Variants in PARN observed in about 807,000 individuals in gnomAD.
PARN encodes poly(A)-specific ribonuclease, also known as poly(A)-specific ribonuclease PARN.
PARN carries 71 observed loss-of-function variants against 102.8 expected under a neutral mutation model. The ratio of observed to expected loss-of-function variants is 0.69; its 90% CI spans 0.57 to 0.84. The LOEUF (loss-of-function observed/expected upper bound fraction) is 0.84, where lower values mean the gene tolerates loss of function less well. Among genes scored for constraint, PARN ranks in the 40% least tolerant of loss-of-function variants. PARN has a pLI of 0.00. For synonymous variants in PARN, 261 were observed against 252.9 expected, an observed-to-expected ratio of 1.03 and a Z score of -0.30; for missense variants, 782 against 760.9, an observed-to-expected ratio of 1.03 and a Z score of -0.33.
chr16:14,526,360 G>C (rs1966004974), intron 21 of PARN, among the ~76,000 whole-genome samples: 1 of 150,462 alleles, frequency 6.6e-6, no homozygotes, highest in Admixed American at 6.6e-5. Flanking sequence ...TGTATTTTTA[G>C]TACAGATGGG....
intron 18 of PARN, among the ~76,000 whole-genome samples, chr16:14,570,567 T>C (rs1038698031): frequency 2.7e-5 from 4 of 150,864 alleles, no homozygotes; most frequent in African/African-American, 9.7e-5. Context: ...GGAGGATCCC[T>C]TGAACCTGGG....
chr16:14,537,842 G>C lies in PARN; in HGVS notation c.1480+14179C>G, dbSNP rs1036537498. Among the ~76,000 whole-genome samples, 5 of 152,112 alleles carry C rather than the reference G, an allele frequency of 3.3e-5. No homozygotes were observed. In the East Asian group the frequency reaches 7.7e-4, roughly 23 times the overall value. ...CTACAAAATTACAGTGAGATAAGAGGAATGTGTTCTGATGTTCTGGCAGCA... is the reference window on the plus strand; with the variant it reads ...CTACAAAATTACAGTGAGATAAGAGCAATGTGTTCTGATGTTCTGGCAGCA... On this transcript the variant is annotated intron_variant, in intron 21 of 23. Transcript: ENST00000437198.
At chr16:14,482,487 T>C (rs894740945) in intron 22 of PARN, 151 bp downstream of exon 22, 1 of 553,748 alleles carries the variant, frequency 1.8e-6, no homozygotes, top group Non-Finnish European at 3.1e-6. Flanking sequence ...ATACAGGAAA[T>C]TCAGGTCATA....
intron 21 of PARN, chr16:14,501,450 A>AAAAAAAAAAAAAAAAAAAAAAAAG: frequency 7.4e-6 from 1 of 135,980 alleles, no homozygotes; most frequent in African/African-American, 2.9e-5. Flanking sequence ...AAAAAAAAAA[A>AAAAAAAAAAAAAAAAAAAAAAAAG]AAAAAAAAAA....
intron 14 of PARN, 67 bp downstream of exon 14, chr16:14,586,251 A>C (rs1206952185): frequency 1.2e-6 from 1 of 863,614 alleles, no homozygotes; most frequent in Non-Finnish European, 1.9e-6. Flanking sequence ...TGGTGGGATT[A>C]TAGGTGTGAG....
chr16:14,589,105 G>A (rs538555671), intron 13 of PARN, among the ~76,000 whole-genome samples: 5 of 151,334 alleles, frequency 3.3e-5, no homozygotes, highest in East Asian at 2.0e-4. Context: ...GCTTGGATCC[G>A]GTAGGCAGAG....
chr16:14,528,396 G>A (rs999899547), intron 21 of PARN, among the ~76,000 whole-genome samples: 2 of 152,216 alleles, frequency 1.3e-5, no homozygotes, highest in African/African-American at 4.8e-5. Context: ...CATTCTGGCA[G>A]CAGGTTTTGT....
At chr16:14,485,849 G>A (rs1421998794) in intron 21 of PARN, among the ~76,000 whole-genome samples, 2 of 152,076 alleles carry the variant, frequency 1.3e-5, no homozygotes, top group Non-Finnish European at 2.9e-5. Flanking sequence ...CACGACGCCT[G>A]GCTAATTTTT....
intron 21 of PARN, among the ~76,000 whole-genome samples, chr16:14,525,756 T>C (rs1412699632): frequency 6.6e-6 from 1 of 152,204 alleles, no homozygotes; most frequent in Non-Finnish European, 1.5e-5. Context: ...TATACTGTTA[T>C]TTGCACAGAG....
intron 17 of PARN, among the ~76,000 whole-genome samples, chr16:14,581,737 C>T (rs1314675724): frequency 2.6e-5 from 4 of 152,114 alleles, no homozygotes; most frequent in African/African-American, 7.2e-5. Flanking sequence ...CTGGTTAACA[C>T]AGCAAGACCC....
intron 22 of PARN, among the ~76,000 whole-genome samples, chr16:14,457,240 T>C (rs1961719730): frequency 6.6e-6 from 1 of 152,194 alleles, no homozygotes; most frequent in Non-Finnish European, 1.5e-5. Context: ...TAGATGTAGC[T>C]AAGGGATTGA....
intron 21 of PARN, among the ~76,000 whole-genome samples, chr16:14,490,903 C>T (rs1412406947): frequency 6.6e-6 from 1 of 152,020 alleles, no homozygotes; most frequent in Admixed American, 6.6e-5. Context: ...AAAGGGCAAG[C>T]TTTAAAAATC....
intron 3 of PARN, 83 bp downstream of exon 3, chr16:14,628,089 A>G: frequency 1.2e-6 from 1 of 854,558 alleles, no homozygotes; most frequent in Non-Finnish European, 1.9e-6. Context: ...ACCTTAATGC[A>G]CAAGTTTAGT....
chr16:14,498,399 G>A (rs749646031), intron 21 of PARN, among the ~76,000 whole-genome samples: 4 of 152,016 alleles, frequency 2.6e-5, no homozygotes, highest in Non-Finnish European at 5.9e-5. Flanking sequence ...CCCTTTAACC[G>A]TCCCTTGCCA....
At chr16:14,577,488 T>C (rs192212863) in intron 18 of PARN, among the ~76,000 whole-genome samples, 55 of 149,986 alleles carry the variant, frequency 3.7e-4, no homozygotes, top group Non-Finnish European at 5.8e-4. Context: ...TGTCTGCCCC[T>C]ACACCCACCT....
chr16:14,454,256 G>C (rs1399118559), intron 22 of PARN, among the ~76,000 whole-genome samples: 1 of 152,124 alleles, frequency 6.6e-6, no homozygotes. Flanking sequence ...CAAGGTGGGC[G>C]GATCGCTTGA....
intron 11 of PARN, among the ~76,000 whole-genome samples, chr16:14,601,190 C>T (rs1450912098): frequency 1.3e-5 from 2 of 152,110 alleles, no homozygotes; most frequent in African/African-American, 2.4e-5. Context: ...GCATTATTCA[C>T]AATAGTCAAA....
chr16:14,518,017 A>G (rs1965541615), intron 21 of PARN, among the ~76,000 whole-genome samples: 1 of 152,230 alleles, frequency 6.6e-6, no homozygotes, highest in African/African-American at 2.4e-5. Flanking sequence ...TCTAATTTCA[A>G]TATTCCTATT....
intron 22 of PARN, among the ~76,000 whole-genome samples, chr16:14,454,626 T>C (rs1490259030): frequency 6.6e-6 from 1 of 152,178 alleles, no homozygotes; most frequent in Non-Finnish European, 1.5e-5. Context: ...GTTTCTGGCA[T>C]AGTTACCCAG....
Sources: allele counts gnomAD v4.1 joint callset (sites outside exome capture counted in the v4.1 genomes callset), GRCh38; gene constraint gnomAD v4.1.1; transcripts MANE v1.5; gene names NCBI Gene and HGNC (gene_info 2026-07-23, HGNC 2026-07-21).